The following CCNY variants were observed in gnomAD, a reference collection of about 807,000 sequenced individuals.
CCNY encodes the protein cyclin Y.
In CCNY, 19 loss-of-function variants were observed where a neutral mutation model predicts 42.8. The observed-to-expected ratio is 0.44, with a 90% CI of 0.31 to 0.65. CCNY has a LOEUF of 0.65. Among genes scored for constraint, CCNY ranks in the 30% least tolerant of loss-of-function variants. The pLI, the probability that CCNY is intolerant of heterozygous loss-of-function variation, is 0.07. For missense variants in CCNY, 370 were observed against 437.3 expected, an observed-to-expected ratio of 0.85 and a Z score of 1.37; for synonymous variants, 165 against 162.7, an observed-to-expected ratio of 1.01 and a Z score of -0.11.
At chr10:35,359,512 ATTT>A (rs35943034) in intron 1 of CCNY, among the ~76,000 whole-genome samples, 8 of 126,714 alleles carry the variant, frequency 6.3e-5, no homozygotes, top group Non-Finnish European at 8.8e-5. Context: ...TATTATTATT[ATTT>A]TTTTTTGTAG....
chr10:35,417,214 CGAG>C (rs1286172490), intron 1 of CCNY, among the ~76,000 whole-genome samples: 1 of 152,136 alleles, frequency 6.6e-6, no homozygotes, highest in Non-Finnish European at 1.5e-5. Context: ...GCTTTTCTGT[CGAG>C]GAGGTATTTA....
chr10:35,252,448 C>T (rs2095712603), intron 3 of CCNY, among the ~76,000 whole-genome samples: 1 of 151,786 alleles, frequency 6.6e-6, no homozygotes, highest in Admixed American at 6.6e-5. Flanking sequence ...CGCCTGTAGT[C>T]CCAGCTACTC....
At chr10:35,442,996 C>T (rs1838707412) in intron 1 of CCNY, among the ~76,000 whole-genome samples, 1 of 152,196 alleles carries the variant, frequency 6.6e-6, no homozygotes, top group Non-Finnish European at 1.5e-5. Flanking sequence ...GTAATTTGAA[C>T]ACAGTGGTTA....
chr10:35,447,721 C>A (rs1260486156), intron 1 of CCNY, among the ~76,000 whole-genome samples: 1 of 152,158 alleles, frequency 6.6e-6, no homozygotes, highest in Non-Finnish European at 1.5e-5. Context: ...ATGGGCATGT[C>A]TGACACTTTG....
At chr10:35,389,775 C>A (rs1470760097) in intron 1 of CCNY, among the ~76,000 whole-genome samples, 1 of 152,104 alleles carries the variant, frequency 6.6e-6, no homozygotes, top group Non-Finnish European at 1.5e-5. Flanking sequence ...ACTCAAAAAC[C>A]CTTTTATGTT....
At chr10:35,386,901 G>A (rs572627219) in intron 1 of CCNY, among the ~76,000 whole-genome samples, 3 of 152,236 alleles carry the variant, frequency 2.0e-5, no homozygotes, top group African/African-American at 4.8e-5. Context: ...CTCTGAAAGC[G>A]TTGGGAGTGA....
intron 8 of CCNY, among the ~76,000 whole-genome samples, chr10:35,557,641 A>G (rs1841386381): frequency 6.6e-6 from 1 of 152,186 alleles, no homozygotes; most frequent in Non-Finnish European, 1.5e-5. Flanking sequence ...CTGTAGTCCC[A>G]GCTACTCAGG....
At position 35,498,484 on chromosome 10, in the gene CCNY, CCA is replaced by C. The variant is rs113669337; in HGVS notation, c.230-3016_230-3015del. Reference sequence around the variant, plus strand: ...CTTTCCTGCACAGCGGAGTCCCACCCCAGTCTGAAGTTTACACATCATACCCT... The same window carrying C: ...CTTTCCTGCACAGCGGAGTCCCACCCGTCTGAAGTTTACACATCATACCCT... On this transcript the variant is annotated intron_variant, in intron 2 of 9. Transcript: ENST00000374704. Among the ~76,000 whole-genome samples, 512 of 152,254 alleles carry C rather than the reference CCA, an allele frequency of 3.4e-3. 4 individuals carry two copies. The highest frequency in any genetic ancestry group is 0.012 in the African/African-American group (482 of 41,552).
intron 4 of CCNY, among the ~76,000 whole-genome samples, chr10:35,522,394 C>G (rs1443459232): frequency 6.6e-6 from 1 of 152,182 alleles, no homozygotes; most frequent in Non-Finnish European, 1.5e-5. Context: ...GCTCCTCTTA[C>G]CCCACTGTGG....
intron 3 of CCNY, among the ~76,000 whole-genome samples, chr10:35,514,290 T>TCAATA (rs1212079634): frequency 6.6e-6 from 1 of 152,166 alleles, no homozygotes; most frequent in Non-Finnish European, 1.5e-5. Flanking sequence ...TCTTTATAAC[T>TCAATA]CAATACTTGG....
chr10:35,458,942 A>G (rs1443823726), intron 1 of CCNY, among the ~76,000 whole-genome samples: 1 of 152,166 alleles, frequency 6.6e-6, no homozygotes, highest in African/African-American at 2.4e-5. Flanking sequence ...AGGGAGAGTG[A>G]GGGGCAGATA....
At chr10:35,463,525 T>C (rs188957681) in intron 1 of CCNY, among the ~76,000 whole-genome samples, 1 of 152,242 alleles carries the variant, frequency 6.6e-6, no homozygotes, top group Admixed American at 6.5e-5. Flanking sequence ...AGGTAATAAA[T>C]AGTGAAACTC....
chr10:35,511,160 G>A (rs1339943939), intron 3 of CCNY, among the ~76,000 whole-genome samples: 1 of 152,244 alleles, frequency 6.6e-6, no homozygotes, highest in Non-Finnish European at 1.5e-5. Flanking sequence ...CTCCCTCACA[G>A]AGGATCCTGT....
chr10:35,442,914 A>G (rs578133035), intron 1 of CCNY, among the ~76,000 whole-genome samples: 1 of 152,354 alleles, frequency 6.6e-6, no homozygotes, highest in South Asian at 2.1e-4. Context: ...CTACACATGT[A>G]GGCTGCATAG....
At chr10:35,355,413 C>G (rs1474767986) in intron 1 of CCNY, among the ~76,000 whole-genome samples, 1 of 152,036 alleles carries the variant, frequency 6.6e-6, no homozygotes, top group African/African-American at 2.4e-5. Flanking sequence ...GCGGTGGCTC[C>G]TGCCTTGTAG....
rs371965887 is a variant in CCNY at position 35,356,374 on chromosome 10, G to A, written c.154+19167G>A. The stretch of plus-strand genomic sequence containing the variant: ...GATGTTGCTTTGTTGGTCAAAATCC[G>A]ATTTTAAAAGTTGAGACTGGTGCAG... On this transcript the variant is annotated intron_variant, in intron 1 of 9. Coordinates refer to ENST00000374704, the MANE Select transcript of CCNY (RefSeq NM_145012.6). 4.7e-4 allele frequency among the ~76,000 whole-genome samples: 71 copies of A among 152,290 alleles called. 1 individual carries two copies. The South Asian group carries it at 0.013, about 29-fold the overall frequency.
At chr10:35,486,521 G>C (rs1357174668) in intron 2 of CCNY, among the ~76,000 whole-genome samples, 2 of 152,112 alleles carry the variant, frequency 1.3e-5, no homozygotes, top group African/African-American at 4.8e-5. Context: ...TGGACTCCCT[G>C]CCCTTGACCT....
chr10:35,455,033 C>T (rs1838998804), intron 1 of CCNY, among the ~76,000 whole-genome samples: 1 of 152,212 alleles, frequency 6.6e-6, no homozygotes, highest in Admixed American at 6.5e-5. Flanking sequence ...AATTAACTCA[C>T]ATGGACATTT....
chr10:35,445,312 G>A (rs1470998687), intron 1 of CCNY, among the ~76,000 whole-genome samples: 3 of 152,202 alleles, frequency 2.0e-5, no homozygotes, highest in African/African-American at 7.2e-5. Flanking sequence ...CACCCATGCA[G>A]ACATTACTAA....
Sources: gnomAD v4.1 joint callset for allele counts (sites outside exome capture counted in the v4.1 genomes callset) on GRCh38, gnomAD v4.1.1 for gene constraint, MANE v1.5 for transcripts, NCBI Gene and HGNC (gene_info 2026-07-23, HGNC 2026-07-21) for gene names.